Variants in GHR observed in about 807,000 individuals in gnomAD.
The protein encoded by GHR is growth hormone receptor.
Under a neutral mutation model 67.1 loss-of-function variants are expected in GHR, and 35 were observed. That is an observed-to-expected ratio of 0.52 (90% CI 0.40 to 0.69). The LOEUF (loss-of-function observed/expected upper bound fraction) is 0.69, where lower values mean the gene tolerates loss of function less well. Ranked by LOEUF, GHR falls within the 30% of genes least tolerant of loss-of-function variation. The pLI is 0.00. For missense variants in GHR, 792 were observed against 764.6 expected (o/e 1.04, Z -0.42); for synonymous variants, 272 against 269.1 (o/e 1.01, Z -0.10).
At chr5:42,519,182 T>C (rs1579858591) in intron 1 of GHR, among the ~76,000 whole-genome samples, 2 of 152,328 alleles carry the variant, frequency 1.3e-5, no homozygotes, top group East Asian at 3.9e-4. Context: ...TGCTTCTAAA[T>C]TTCTGGAAAT....
intron 1 of GHR, among the ~76,000 whole-genome samples, chr5:42,559,450 G>A (rs780531462): frequency 3.3e-5 from 5 of 152,210 alleles, no homozygotes; most frequent in African/African-American, 7.2e-5. Context: ...GGAGGCTGAC[G>A]AAGGAGGATC....
chr5:42,458,997 G>A (rs1270770073), intron 1 of GHR, among the ~76,000 whole-genome samples: 1 of 152,148 alleles, frequency 6.6e-6, no homozygotes, highest in East Asian at 1.9e-4. Flanking sequence ...ATGCCTGTGA[G>A]GTTGTAGAGA....
chr5:42,626,699 G>A (rs1038571816), intron 2 of GHR, among the ~76,000 whole-genome samples: 18 of 152,250 alleles, frequency 1.2e-4, no homozygotes, highest in Non-Finnish European at 2.1e-4. Flanking sequence ...ATTAGCATAC[G>A]AAAGACACTT....
chr5:42,676,137 TACCTG>T (rs1756562780), intron 3 of GHR, among the ~76,000 whole-genome samples: 1 of 152,016 alleles, frequency 6.6e-6, no homozygotes, highest in South Asian at 2.1e-4. Context: ...ATACAAAAAT[TACCTG>T]GGCATGGTGG....
rs985609299 is a variant in GHR, at chr5:42,688,831, A to C, written c.137-59A>C. The C allele has an allele frequency of 3.3e-6, 5 of 1,518,730 alleles. No homozygotes were observed. The African/African-American group carries it at 6.8e-5, about 21-fold the overall frequency. The allele number at this position is 1,518,730 out of a possible 1,614,324, so 94.1% of individuals were successfully genotyped here. On this transcript the variant is annotated intron_variant, in intron 3 of 9. Coordinates refer to ENST00000230882, the MANE Select transcript of GHR (RefSeq NM_000163.5). ...TTCACACACTTTAGATACGTGTCTC[A>C]TTAGGATCACATATGACTCACCTGA...
chr5:42,481,311 G>C (rs1282936830), intron 1 of GHR, among the ~76,000 whole-genome samples: 1 of 152,154 alleles, frequency 6.6e-6, no homozygotes, highest in Non-Finnish European at 1.5e-5. Context: ...CTCTCTGGCT[G>C]CCCTGAACAT....
intron 3 of GHR, among the ~76,000 whole-genome samples, chr5:42,664,055 C>G (rs1412371679): frequency 3.9e-5 from 6 of 152,106 alleles, no homozygotes; most frequent in African/African-American, 1.4e-4. Flanking sequence ...AGGACCTCTT[C>G]AAGGAGAACT....
At chr5:42,440,775 T>G (rs1445140590) in intron 1 of GHR, among the ~76,000 whole-genome samples, 1 of 152,202 alleles carries the variant, frequency 6.6e-6, no homozygotes, top group Non-Finnish European at 1.5e-5. Flanking sequence ...TGAAAGGAGT[T>G]AATAGATTTA....
At chr5:42,469,052 A>T (rs1561321736) in intron 1 of GHR, among the ~76,000 whole-genome samples, 1 of 152,252 alleles carries the variant, frequency 6.6e-6, no homozygotes, top group Non-Finnish European at 1.5e-5. Flanking sequence ...TTTAATTATG[A>T]CTTTATGACA....
At chr5:42,432,633 C>T (rs1472889570) in intron 1 of GHR, among the ~76,000 whole-genome samples, 2 of 152,070 alleles carry the variant, frequency 1.3e-5, no homozygotes, top group South Asian at 2.1e-4. Context: ...CTGTAAAGAC[C>T]GTGGAGATAG....
intron 2 of GHR, among the ~76,000 whole-genome samples, chr5:42,595,204 C>T (rs1442233840): frequency 6.6e-6 from 1 of 152,184 alleles, no homozygotes; most frequent in Non-Finnish European, 1.5e-5. Flanking sequence ...TGCTGATTTA[C>T]ACTTTATAAG....
At chr5:42,575,770 T>TA (rs772549282) in intron 2 of GHR, among the ~76,000 whole-genome samples, 52 of 149,258 alleles carry the variant, frequency 3.5e-4, no homozygotes, top group Non-Finnish European at 7.0e-4. Context: ...GCGCGATGGC[T>TA]CATGCCTGTA....
intron 1 of GHR, among the ~76,000 whole-genome samples, chr5:42,494,259 C>G (rs927419595): frequency 2.0e-5 from 3 of 152,052 alleles, no homozygotes; most frequent in Non-Finnish European, 2.9e-5. Context: ...GCAACCATAT[C>G]CTGGCTAATT....
chr5:42,580,044 C>CAT (rs973882579), intron 2 of GHR, among the ~76,000 whole-genome samples: 2 of 151,886 alleles, frequency 1.3e-5, no homozygotes, highest in Non-Finnish European at 2.9e-5. Flanking sequence ...ACAAACATAC[C>CAT]ATATATAGGC....
At chr5:42,561,415 T>C (rs1322140482) in intron 1 of GHR, among the ~76,000 whole-genome samples, 2 of 152,242 alleles carry the variant, frequency 1.3e-5, no homozygotes, top group African/African-American at 4.8e-5. Flanking sequence ...AATTCTAAAT[T>C]AAAGAGCATG....
chr5:42,498,002 G>A (rs1746390351), intron 1 of GHR, among the ~76,000 whole-genome samples: 1 of 152,154 alleles, frequency 6.6e-6, no homozygotes, highest in African/African-American at 2.4e-5. Context: ...TTTTGCCAAG[G>A]GGGAGGTTGG....
In GHR at chr5:42,470,005, T is replaced by C. The variant is rs867044397; in HGVS notation, c.-12+46050T>C. Among the ~76,000 whole-genome samples, 14 of 150,260 alleles carry C rather than the reference T, an allele frequency of 9.3e-5. No individual in the cohort carries two copies. The South Asian group carries it at 1.0e-3, about 11-fold the overall frequency. ...AAGAGTGGGGAGAAATATATGTGTG[T>C]ATATTTGTGTGTGTATATAAATAAT... On this transcript the variant is annotated intron_variant, in intron 1 of 9. Coordinates refer to ENST00000230882, the MANE Select transcript of GHR (RefSeq NM_000163.5).
At chr5:42,491,614 A>G (rs911800159) in intron 1 of GHR, among the ~76,000 whole-genome samples, 37 of 152,240 alleles carry the variant, frequency 2.4e-4, no homozygotes, top group African/African-American at 8.4e-4. Flanking sequence ...TAGAACAGGC[A>G]TACCTTATTG....
intron 1 of GHR, among the ~76,000 whole-genome samples, chr5:42,459,558 A>G (rs1744400428): frequency 6.6e-6 from 1 of 152,160 alleles, no homozygotes; most frequent in African/African-American, 2.4e-5. Context: ...ACTACCTATC[A>G]GATACTATGC....
Sources: allele counts gnomAD v4.1 joint callset (sites outside exome capture counted in the v4.1 genomes callset), GRCh38; gene constraint gnomAD v4.1.1; transcripts MANE v1.5; gene names NCBI Gene and HGNC (gene_info 2026-07-23, HGNC 2026-07-21).